Variants in HLCS observed in about 807,000 individuals in gnomAD.
HLCS encodes the protein biotin--protein ligase.
HLCS carries 53 observed loss-of-function variants against 75.0 expected under a neutral mutation model. The observed-to-expected ratio is 0.71, with a 90% CI of 0.57 to 0.89. The LOEUF (loss-of-function observed/expected upper bound fraction) is 0.89. Ranked by LOEUF, HLCS falls within the 40% of genes least tolerant of loss-of-function variation. The pLI is 0.00. For synonymous variants in HLCS, 431 were observed against 428.6 expected (o/e 1.01, Z -0.07); for missense variants, 966 against 1,074.0 (o/e 0.90, Z 1.41).
rs2089419235 is a variant in HLCS, at chr21:36,752,810, C to G, written c.*1436G>C. The G allele has an allele frequency of 6.6e-6, 1 of 152,102 alleles. No individual in the cohort carries two copies. The highest frequency in any genetic ancestry group is 2.1e-4 in the South Asian group (1 of 4,830). The allele number at this position is 152,102 out of a possible 1,614,324, so 9.4% of individuals were successfully genotyped here. A position where few individuals can be genotyped will look rare whatever the true frequency, so the allele number is the denominator to read the frequency against. On this transcript the variant is annotated 3_prime_UTR_variant, in exon 11 of 11. Transcript: ENST00000674895. ...AAGGTAGACAGACTATACTAAAAAC[C>G]ACAAGTTTCTGGAATTAGCCTGACT...
At chr21:36,892,956 T>A (rs1381658748) in intron 6 of HLCS, among the ~76,000 whole-genome samples, 1 of 152,156 alleles carries the variant, frequency 6.6e-6, no homozygotes, top group Non-Finnish European at 1.5e-5. Flanking sequence ...AATAGTTTCA[T>A]CAAAGTGATA....
intron 6 of HLCS, among the ~76,000 whole-genome samples, chr21:36,810,518 C>A (rs980484920): frequency 2.6e-5 from 4 of 152,230 alleles, no homozygotes; most frequent in African/African-American, 9.7e-5. Flanking sequence ...TCAAGACCCA[C>A]CTTGTCCCAA....
chr21:36,845,862 C>G (rs1173726768), intron 6 of HLCS, among the ~76,000 whole-genome samples: 1 of 152,022 alleles, frequency 6.6e-6, no homozygotes, highest in Non-Finnish European at 1.5e-5. Flanking sequence ...TGATGGCCAC[C>G]GGAGTATATT....
At chr21:36,787,314 G>A (rs1456393958) in intron 6 of HLCS, among the ~76,000 whole-genome samples, 7 of 152,100 alleles carry the variant, frequency 4.6e-5, no homozygotes, top group African/African-American at 1.7e-4. Flanking sequence ...ACTCCAGCAC[G>A]GCCTCTGTTC....
intron 6 of HLCS, among the ~76,000 whole-genome samples, chr21:36,860,458 C>T (rs75290872): frequency 6.6e-6 from 1 of 152,270 alleles, no homozygotes; most frequent in Non-Finnish European, 1.5e-5. Context: ...GAGAAAGCTG[C>T]TGATGTTTTA....
intron 1 of HLCS, among the ~76,000 whole-genome samples, chr21:36,965,934 G>GTT (rs2068547288): frequency 6.6e-6 from 1 of 151,786 alleles, no homozygotes; most frequent in African/African-American, 2.4e-5. Context: ...TTTTTGTTTT[G>GTT]TTTTTTGTAG....
intron 2 of HLCS, among the ~76,000 whole-genome samples, chr21:36,956,678 C>T (rs1006242837): frequency 2.0e-5 from 3 of 151,860 alleles, no homozygotes; most frequent in Middle Eastern, 3.4e-3. Flanking sequence ...GGCAGTGAGC[C>T]GAGATCGTGC....
intron 5 of HLCS, 109 bp from the exon 6 acceptor site, chr21:36,897,240 G>A (rs2065051586): frequency 9.3e-7 from 1 of 1,074,166 alleles, no homozygotes; most frequent in East Asian, 2.4e-5. Flanking sequence ...CCTAATTCAT[G>A]ACCAAGAAAA....
intron 6 of HLCS, among the ~76,000 whole-genome samples, chr21:36,794,749 G>A (rs1889260848): frequency 6.6e-6 from 1 of 152,138 alleles, no homozygotes; most frequent in Admixed American, 6.5e-5. Flanking sequence ...AGAAAGAGAT[G>A]TGTTCTGCAC....
intron 6 of HLCS, among the ~76,000 whole-genome samples, chr21:36,799,139 A>G (rs553785989): frequency 8.1e-4 from 123 of 152,344 alleles, no homozygotes; most frequent in African/African-American, 2.9e-3. Context: ...GAAGCTTAAC[A>G]GTTTTTGCAA....
chr21:36,798,474 T>C (rs1245011084), intron 6 of HLCS, among the ~76,000 whole-genome samples: 1 of 152,238 alleles, frequency 6.6e-6, no homozygotes, highest in Non-Finnish European at 1.5e-5. Flanking sequence ...CTACATACAG[T>C]CTTTGTATGG....
chr21:36,849,928 A>G (rs1291937097), intron 6 of HLCS, among the ~76,000 whole-genome samples: 1 of 152,190 alleles, frequency 6.6e-6, no homozygotes, highest in Non-Finnish European at 1.5e-5. Context: ...CGCCTTATCT[A>G]TGAGAAAGCT....
At chr21:36,966,831 G>A (rs1319872491), upstream of HLCS, among the ~76,000 whole-genome samples, 2 of 136,584 alleles carry the variant, frequency 1.5e-5, 1 homozygote, top group African/African-American at 5.3e-5. Context: ...GGGGGGGGGT[G>A]AGGCCGCGCC....
intron 3 of HLCS, among the ~76,000 whole-genome samples, chr21:36,938,380 T>C (rs1248756333): frequency 6.6e-6 from 1 of 152,216 alleles, no homozygotes; most frequent in African/African-American, 2.4e-5. Flanking sequence ...TCTTGACACA[T>C]GCATGAATTG....
chr21:36,850,634 T>C (rs891216478), intron 6 of HLCS, among the ~76,000 whole-genome samples: 1 of 152,148 alleles, frequency 6.6e-6, no homozygotes, highest in South Asian at 2.1e-4. Context: ...CCAGTTCCCT[T>C]CCTTGTGGAA....
At chr21:36,914,769 C>G (rs1672420466) in intron 5 of HLCS, among the ~76,000 whole-genome samples, 1 of 152,226 alleles carries the variant, frequency 6.6e-6, no homozygotes, top group Non-Finnish European at 1.5e-5. Context: ...GCCACTGCCT[C>G]CACAATGAGA....
intron 6 of HLCS, among the ~76,000 whole-genome samples, chr21:36,783,812 C>A (rs1035222084): frequency 1.4e-5 from 2 of 145,682 alleles, no homozygotes; most frequent in Non-Finnish European, 3.1e-5. Context: ...TGCACACACA[C>A]ACATGCACAT....
At chr21:36,914,464 A>G (rs1016297869) in intron 5 of HLCS, among the ~76,000 whole-genome samples, 8 of 152,236 alleles carry the variant, frequency 5.3e-5, no homozygotes, top group African/African-American at 1.9e-4. Flanking sequence ...ATGTCTGTTA[A>G]GCGGTCTTCC....
chr21:36,812,933 C>A (rs1452387781), intron 6 of HLCS, among the ~76,000 whole-genome samples: 1 of 152,056 alleles, frequency 6.6e-6, no homozygotes, highest in Non-Finnish European at 1.5e-5. Flanking sequence ...GTGCTACATG[C>A]CTATGGTCCC....
Sources: gnomAD v4.1 joint callset for allele counts (sites outside exome capture counted in the v4.1 genomes callset) on GRCh38, gnomAD v4.1.1 for gene constraint, MANE v1.5 for transcripts, NCBI Gene and HGNC (gene_info 2026-07-23, HGNC 2026-07-21) for gene names.